The following ESR1 variants were observed in gnomAD, a reference collection of about 807,000 sequenced individuals.
ESR1 encodes estrogen receptor.
A neutral mutation model predicts 52.7 loss-of-function variants in ESR1; 12 were observed. That is an observed-to-expected ratio of 0.23 (90% CI 0.15 to 0.37). The LOEUF (loss-of-function observed/expected upper bound fraction) is 0.37, where lower values mean the gene tolerates loss of function less well. Among genes scored for constraint, ESR1 ranks in the 10% least tolerant of loss-of-function variants. ESR1 has a pLI of 1.00. For synonymous variants in ESR1, 305 were observed against 316.8 expected (o/e 0.96, Z 0.39); for missense variants, 584 against 779.7 (o/e 0.75, Z 2.99).
intron 4 of ESR1, among the ~76,000 whole-genome samples, chr6:151,981,551 C>T (rs2128675728): frequency 6.6e-6 from 1 of 152,118 alleles, no homozygotes; most frequent in East Asian, 1.9e-4. Flanking sequence ...AGTTTTTCTC[C>T]TTAAAAAACA....
chr6:151,773,965 G>T (rs954037978), intron 2 of ESR1, among the ~76,000 whole-genome samples: 1 of 152,090 alleles, frequency 6.6e-6, no homozygotes, highest in Non-Finnish European at 1.5e-5. Context: ...TTAGTAAAGA[G>T]AAAGCTTTCT....
intron 1 of ESR1, among the ~76,000 whole-genome samples, chr6:151,811,604 CTCTT>C (rs1583410914): frequency 6.6e-6 from 1 of 152,178 alleles, no homozygotes; most frequent in African/African-American, 2.4e-5. Flanking sequence ...TCATTTGAAA[CTCTT>C]TCTCAACTTT....
chr6:151,937,870 T>C (rs2034556160), intron 3 of ESR1, among the ~76,000 whole-genome samples: 1 of 152,200 alleles, frequency 6.6e-6, no homozygotes, highest in Non-Finnish European at 1.5e-5. Context: ...GCATGGTAGT[T>C]AATCTGAACT....
intron 2 of ESR1, among the ~76,000 whole-genome samples, chr6:151,873,910 G>A (rs1205839378): frequency 6.6e-6 from 1 of 152,134 alleles, no homozygotes; most frequent in Non-Finnish European, 1.5e-5. Flanking sequence ...CCTTTAATAA[G>A]GAGACTGTAA....
At chr6:151,727,024 T>A (rs1346404593) in intron 2 of ESR1, among the ~76,000 whole-genome samples, 2 of 152,170 alleles carry the variant, frequency 1.3e-5, no homozygotes, top group African/African-American at 4.8e-5. Context: ...TTCAGGTAGT[T>A]AATCCTAACT....
intron 5 of ESR1, among the ~76,000 whole-genome samples, chr6:152,039,582 G>A (rs1181584302): frequency 2.0e-5 from 3 of 152,114 alleles, no homozygotes; most frequent in Non-Finnish European, 2.9e-5. Context: ...GGAACAAGAA[G>A]CACAAATTTT....
intron 4 of ESR1, among the ~76,000 whole-genome samples, chr6:152,010,847 G>A (rs778134180): frequency 6.6e-6 from 1 of 151,846 alleles, no homozygotes; most frequent in African/African-American, 2.4e-5. Context: ...CGTAGTAAGG[G>A]CTCAACAAAC....
chr6:152,053,027 T>G lies in ESR1; in HGVS notation c.1236-7964T>G, dbSNP rs2046811330. On this transcript the variant is annotated intron_variant, in intron 5 of 7. Coordinates refer to ENST00000206249, the MANE Select transcript of ESR1 (RefSeq NM_000125.4). This position sits in a 1 kb window ranked among gnomAD's most constrained non-coding sequence, Gnocchi z 4.1. ...GCTCAGGCTACCTTCCCATATTCTC[T>G]GAAAATAATATCACATTTGTTTAGT... 6.6e-6 allele frequency among the ~76,000 whole-genome samples: 1 copy of G among 152,184 alleles called. No homozygotes were observed. Among genetic ancestry groups the G allele is most frequent in the African/African-American group, 2.4e-5 (1 of 41,442 alleles).
intron 2 of ESR1, among the ~76,000 whole-genome samples, chr6:151,760,574 G>A (rs771086145): frequency 1.3e-5 from 2 of 152,026 alleles, no homozygotes; most frequent in South Asian, 4.1e-4. Context: ...CTCCTTCCCG[G>A]ACCTATTATG....
intron 1 of ESR1, among the ~76,000 whole-genome samples, chr6:151,666,022 G>A (rs1777809796): frequency 6.6e-6 from 1 of 152,134 alleles, no homozygotes; most frequent in South Asian, 2.1e-4. Flanking sequence ...AATTCCATTA[G>A]CACAACTATC....
intron 6 of ESR1, chr6:152,121,746 C>T (rs949859183): frequency 1.3e-5 from 2 of 148,632 alleles, no homozygotes; most frequent in Non-Finnish European, 3.0e-5. Flanking sequence ...TTGGCTTTAG[C>T]AAACTGTACA....
At chr6:151,701,997 A>G (rs1779827288) in exon 2 of ESR1, 1 of 152,244 alleles carries the variant, frequency 6.6e-6, no homozygotes, top group Non-Finnish European at 1.5e-5. Flanking sequence ...ACTTTGAACC[A>G]TCACTGAGGT....
Position 151,899,006 on chromosome 6 carries a change from G to T in ESR1, c.760+18235G>T, listed in dbSNP as rs1420025609. 1.8e-3 allele frequency among the ~76,000 whole-genome samples: 207 copies of T among 115,762 alleles called. No individual in the cohort carries two copies. In the Middle Eastern group the frequency reaches 0.033, roughly 18 times the overall value. The allele number at this position is 115,762 out of a possible 152,430, so 75.9% of individuals were successfully genotyped here. ...CAGAGGCGCCCCTCACCTCCCGGAC[G>T]GGGCGGCTGGCCGGGCGGGGGGCTG... On this transcript the variant is annotated intron_variant, in intron 3 of 7. Coordinates refer to ENST00000206249, the MANE Select transcript of ESR1 (RefSeq NM_000125.4).
chr6:151,775,598 A>G (rs990660134), intron 2 of ESR1, among the ~76,000 whole-genome samples: 7 of 152,026 alleles, frequency 4.6e-5, no homozygotes, highest in Non-Finnish European at 7.4e-5. Context: ...ATACAAAAAA[A>G]TTAGCTGTGC....
chr6:151,875,386 G>A (rs561128747), intron 2 of ESR1, among the ~76,000 whole-genome samples: 18 of 152,244 alleles, frequency 1.2e-4, no homozygotes, highest in Non-Finnish European at 1.6e-4. Context: ...GGAGGCCTGC[G>A]CTCCACAAAT....
In ESR1 at chr6:151,659,993, C is replaced by A. The variant is rs553962430; in HGVS notation, n.73+3230C>A. ...GTAAAAAGAACACAGGAATTGCTAG[C>A]ACTTACCGTATGTCCATTTTATGTC... On this transcript the variant is annotated intron_variant and non_coding_transcript_variant, in intron 1 of 2. Transcript: ENST00000473497. Among the ~76,000 whole-genome samples, 3 of 152,332 alleles carry A rather than the reference C, an allele frequency of 2.0e-5. No individual in the cohort carries two copies. The South Asian group carries it at 6.2e-4, about 32-fold the overall frequency.
intron 4 of ESR1, among the ~76,000 whole-genome samples, chr6:151,961,917 G>A (rs916301834): frequency 6.6e-6 from 1 of 152,178 alleles, no homozygotes; most frequent in Non-Finnish European, 1.5e-5. Context: ...GCGGCTGGCA[G>A]AGAGTTGAAT....
chr6:151,767,201 A>G (rs1032031198), intron 2 of ESR1, among the ~76,000 whole-genome samples: 7 of 152,186 alleles, frequency 4.6e-5, no homozygotes, highest in Admixed American at 6.5e-5. Flanking sequence ...CATGGCCTCA[A>G]CCATCTTCCC....
intron 5 of ESR1, among the ~76,000 whole-genome samples, chr6:152,042,902 G>T (rs2982730): frequency 2.0e-5 from 3 of 151,856 alleles, no homozygotes; most frequent in African/African-American, 4.8e-5. Flanking sequence ...GCCACCACTT[G>T]GCCCATGCCA....
Sources: gnomAD v4.1 joint callset for allele counts (sites outside exome capture counted in the v4.1 genomes callset) on GRCh38, gnomAD v4.1.1 for gene constraint, Gnocchi (gnomAD v3.1) non-coding constraint, MANE v1.5 for transcripts, NCBI Gene and HGNC (gene_info 2026-07-23, HGNC 2026-07-21) for gene names.